PCDHA12: variants seen among roughly 807,000 people sequenced by gnomAD.
PCDHA12 encodes the protein protocadherin alpha-12.
A neutral mutation model predicts 60.0 loss-of-function variants in PCDHA12; 44 were observed. The observed-to-expected ratio is 0.73, with a 90% CI of 0.58 to 0.94. PCDHA12 has a LOEUF of 0.94. Ranked by LOEUF, PCDHA12 falls within the 40% of genes least tolerant of loss-of-function variation. The pLI, the probability that PCDHA12 is intolerant of heterozygous loss-of-function variation, is 0.00. For synonymous variants in PCDHA12, 569 were observed against 553.0 expected, an observed-to-expected ratio of 1.03 and a Z score of -0.40; for missense variants, 1,276 against 1,239.7, an observed-to-expected ratio of 1.03 and a Z score of -0.44.
At chr5:140,912,922 G>A (rs1554195623) in intron 1 of PCDHA12, among the ~76,000 whole-genome samples, 3 of 152,210 alleles carry the variant, frequency 2.0e-5, no homozygotes, top group African/African-American at 7.2e-5. Context: ...ATTTGTGTAT[G>A]TTGAATCATC....
chr5:140,971,210 C>G (rs192930872), intron 1 of PCDHA12, among the ~76,000 whole-genome samples: 383 of 152,274 alleles, frequency 2.5e-3, no homozygotes, highest in Non-Finnish European at 3.7e-3. Context: ...CACTGTTACC[C>G]TCCCTCTCCT....
chr5:140,926,065 G>A (rs1302106382), intron 1 of PCDHA12, among the ~76,000 whole-genome samples: 3 of 152,176 alleles, frequency 2.0e-5, no homozygotes, highest in Non-Finnish European at 2.9e-5. Context: ...TCCCCTCCTT[G>A]TCGTCTCTAT....
intron 1 of PCDHA12, among the ~76,000 whole-genome samples, chr5:140,895,802 CTGTATTGTAT>C (rs1289601886): frequency 6.6e-6 from 1 of 152,048 alleles, no homozygotes; most frequent in Admixed American, 6.6e-5. Context: ...ATGTACAATA[CTGTATTGTAT>C]TGTATTGTAT....
intron 3 of PCDHA12, among the ~76,000 whole-genome samples, chr5:140,990,741 G>A (rs528078912): frequency 4.3e-4 from 65 of 152,270 alleles, no homozygotes; most frequent in African/African-American, 1.2e-3. Context: ...ACAGCCCTAG[G>A]GTGGATACCT....
chr5:140,882,226 G>T, intron 1 of PCDHA12: 1 of 1,564,150 alleles, frequency 6.4e-7, no homozygotes, highest in Admixed American at 1.9e-5. Context: ...GAGGTAAGGC[G>T]TTGTATATAT....
At chr5:141,004,142 G>C (rs1323224367) in intron 3 of PCDHA12, among the ~76,000 whole-genome samples, 1 of 152,214 alleles carries the variant, frequency 6.6e-6, no homozygotes, top group African/African-American at 2.4e-5. Flanking sequence ...TGCCCCAAAG[G>C]CATGACATTT....
chr5:140,888,611 G>T (rs1554183538), intron 1 of PCDHA12, among the ~76,000 whole-genome samples: 1 of 152,144 alleles, frequency 6.6e-6, no homozygotes, highest in Non-Finnish European at 1.5e-5. Context: ...TTTTAGTGTA[G>T]CACTAATTCG....
chr5:140,928,798 G>A lies in PCDHA12; in HGVS notation c.2368-50151G>A, dbSNP rs1015507486. On this transcript the variant is annotated intron_variant, in intron 1 of 3. Transcript: ENST00000398631. ...TGATGCAGTTAAGCAGAGGGTGGTGGTAGTGGTTCGGGACCATGGAGACCC... is the reference window on the plus strand; with the variant it reads ...TGATGCAGTTAAGCAGAGGGTGGTGATAGTGGTTCGGGACCATGGAGACCC... 2.4e-5 allele frequency: 38 copies of A among 1,614,046 alleles called. No homozygotes were observed. Among genetic ancestry groups the A allele is most frequent in the Non-Finnish European group, 3.2e-5 (38 of 1,180,052 alleles).
intron 1 of PCDHA12, among the ~76,000 whole-genome samples, chr5:140,906,598 C>T (rs1258343234): frequency 6.6e-6 from 1 of 152,238 alleles, no homozygotes; most frequent in African/African-American, 2.4e-5. Flanking sequence ...TCCTCTACTA[C>T]TCATTCTGTA....
intron 1 of PCDHA12, among the ~76,000 whole-genome samples, chr5:140,931,320 G>A (rs1350182542): frequency 6.6e-6 from 1 of 151,992 alleles, no homozygotes; most frequent in Non-Finnish European, 1.5e-5. Context: ...TACCAGTAAT[G>A]GCTGTAAAGT....
chr5:140,906,593 T>C (rs2072768257), intron 1 of PCDHA12, among the ~76,000 whole-genome samples: 1 of 152,242 alleles, frequency 6.6e-6, no homozygotes, highest in Admixed American at 6.5e-5. Flanking sequence ...TACCTTCCTC[T>C]ACTACTCATT....
At chr5:141,001,333 T>G (rs1554258097) in intron 3 of PCDHA12, among the ~76,000 whole-genome samples, 1 of 152,178 alleles carries the variant, frequency 6.6e-6, no homozygotes, top group African/African-American at 2.4e-5. Context: ...TCACCATAAT[T>G]TACATGATGT....
intron 1 of PCDHA12, chr5:140,928,710 T>C (rs1370353227): frequency 3.7e-6 from 6 of 1,614,192 alleles, no homozygotes; most frequent in Non-Finnish European, 5.1e-6. Context: ...CGTCTGACTC[T>C]AGTCTCTTTA....
intron 1 of PCDHA12, chr5:140,883,809 G>A (rs781801106): frequency 6.2e-7 from 1 of 1,612,420 alleles, no homozygotes; most frequent in East Asian, 2.2e-5. Context: ...CACGCGGAGA[G>A]CGGCAAGGTG....
intron 1 of PCDHA12, among the ~76,000 whole-genome samples, chr5:140,906,981 G>A (rs1554192831): frequency 6.6e-6 from 1 of 152,122 alleles, no homozygotes; most frequent in Non-Finnish European, 1.5e-5. Flanking sequence ...GTCTTCTGGT[G>A]GCAGCATTCC....
intron 1 of PCDHA12, among the ~76,000 whole-genome samples, chr5:140,915,981 C>T (rs11167655): frequency 0.33 from 49,706 of 151,966 alleles, 8,424 homozygotes; most frequent in East Asian, 0.53. Flanking sequence ...TATTTGACTA[C>T]GGCTAAGCTG....
intron 1 of PCDHA12, among the ~76,000 whole-genome samples, chr5:140,937,158 C>T (rs969335051): frequency 2.6e-5 from 4 of 151,874 alleles, no homozygotes; most frequent in Non-Finnish European, 4.4e-5. Context: ...CTGCCTCAGC[C>T]TCCCGAGTAG....
At chr5:140,912,679 T>G (rs367681467) in intron 1 of PCDHA12, among the ~76,000 whole-genome samples, 3 of 152,334 alleles carry the variant, frequency 2.0e-5, no homozygotes, top group South Asian at 4.1e-4. Context: ...CCTTGACTTA[T>G]TCCAGGTCTC....
At chr5:140,890,738 A>G (rs1283898948) in intron 1 of PCDHA12, among the ~76,000 whole-genome samples, 1 of 152,200 alleles carries the variant, frequency 6.6e-6, no homozygotes. Context: ...TGACTTATAT[A>G]CTATTTCTGT....
Sources: gnomAD v4.1 joint callset for allele counts (sites outside exome capture counted in the v4.1 genomes callset) on GRCh38, gnomAD v4.1.1 for gene constraint, MANE v1.5 for transcripts, NCBI Gene and HGNC (gene_info 2026-07-23, HGNC 2026-07-21) for gene names.